Variants in SLCO5A1 observed in about 807,000 individuals in gnomAD.
SLCO5A1 encodes the protein organic anion transporter polypeptide-related protein 4.
SLCO5A1 carries 39 observed loss-of-function variants against 65.1 expected under a neutral mutation model. The observed-to-expected ratio is 0.60, with a 90% CI of 0.46 to 0.78. The LOEUF (loss-of-function observed/expected upper bound fraction) is 0.78, where lower values mean the gene tolerates loss of function less well. SLCO5A1 is among the 30% of genes least tolerant of loss of function. The pLI, the probability that SLCO5A1 is intolerant of heterozygous loss-of-function variation, is 0.00. For synonymous variants in SLCO5A1, 438 were observed against 415.7 expected (o/e 1.05, Z -0.65); for missense variants, 1,029 against 1,069.4 (o/e 0.96, Z 0.53).
At chr8:69,697,013 C>T (rs538580960) in intron 6 of SLCO5A1, among the ~76,000 whole-genome samples, 7 of 152,186 alleles carry the variant, frequency 4.6e-5, no homozygotes, top group African/African-American at 1.7e-4. Context: ...GCAACCAGTC[C>T]ATACGTTCCA....
chr8:69,791,809 C>G lies in SLCO5A1; in HGVS notation c.908-29934G>C, dbSNP rs1344391913. ...ATACCCAAGAATTTAAAGACCTTCT[C>G]TAATAAGTGAATTACAGAAGGCTTG... On this transcript the variant is annotated intron_variant, in intron 2 of 9. Coordinates refer to ENST00000260126, the MANE Select transcript of SLCO5A1 (RefSeq NM_030958.3). 2.0e-5 allele frequency among the ~76,000 whole-genome samples: 3 copies of G among 152,302 alleles called. No individual in the cohort carries two copies. In the South Asian group the frequency reaches 6.2e-4, roughly 32 times the overall value.
chr8:69,822,264 A>C (rs1820676791), intron 2 of SLCO5A1, among the ~76,000 whole-genome samples: 1 of 152,238 alleles, frequency 6.6e-6, no homozygotes, highest in African/African-American at 2.4e-5. Context: ...ACAGTGGTGA[A>C]ATGGCACACC....
At chr8:69,749,683 C>T (rs183035132) in intron 4 of SLCO5A1, among the ~76,000 whole-genome samples, 24 of 149,470 alleles carry the variant, frequency 1.6e-4, no homozygotes, top group Non-Finnish European at 2.7e-4. Flanking sequence ...ATTCATTCAT[C>T]AAATATTTAC....
chr8:69,673,968 T>C (rs373765506), intron 9 of SLCO5A1, among the ~76,000 whole-genome samples: 7 of 152,320 alleles, frequency 4.6e-5, no homozygotes, highest in African/African-American at 1.7e-4. Context: ...AGTAGCTTCG[T>C]TGTCTGGGCT....
At chr8:69,706,792 TTA>T (rs1158631685) in intron 5 of SLCO5A1, among the ~76,000 whole-genome samples, 2 of 152,214 alleles carry the variant, frequency 1.3e-5, no homozygotes, top group East Asian at 3.8e-4. Flanking sequence ...AGTGTTAACT[TTA>T]TAATTATCTT....
At chr8:69,727,606 T>G (rs1816142015) in intron 5 of SLCO5A1, among the ~76,000 whole-genome samples, 1 of 152,226 alleles carries the variant, frequency 6.6e-6, no homozygotes, top group Admixed American at 6.5e-5. Flanking sequence ...GGAAGGCACC[T>G]CGCTAATGCC....
intron 6 of SLCO5A1, among the ~76,000 whole-genome samples, chr8:69,682,983 C>T (rs1481006129): frequency 1.3e-5 from 2 of 152,156 alleles, no homozygotes; most frequent in African/African-American, 4.8e-5. Context: ...CTCAGGATTG[C>T]CCCGGTGTGG....
intron 4 of SLCO5A1, among the ~76,000 whole-genome samples, chr8:69,754,471 T>C (rs985695358): frequency 1.3e-5 from 2 of 152,160 alleles, no homozygotes; most frequent in African/African-American, 4.8e-5. Context: ...GTGTACACAG[T>C]CAAAACGAGA....
intron 4 of SLCO5A1, among the ~76,000 whole-genome samples, chr8:69,752,170 G>A (rs1217895623): frequency 1.3e-5 from 2 of 152,152 alleles, no homozygotes; most frequent in Non-Finnish European, 2.9e-5. Flanking sequence ...GGTTGAGGCT[G>A]CAGCGAGCCA....
chr8:69,774,807 A>G (rs1818491896), intron 2 of SLCO5A1, among the ~76,000 whole-genome samples: 4 of 152,216 alleles, frequency 2.6e-5, no homozygotes. Context: ...ACAGCACTGC[A>G]GATAACAGAG....
intron 2 of SLCO5A1, among the ~76,000 whole-genome samples, chr8:69,807,341 T>C (rs1053637280): frequency 1.3e-5 from 2 of 152,258 alleles, no homozygotes; most frequent in African/African-American, 4.8e-5. Flanking sequence ...ATATTTATCA[T>C]TTCTTTGTGG....
rs1168472793 is a variant in SLCO5A1, at chr8:69,796,737, T to C, written c.908-34862A>G. On this transcript the variant is annotated intron_variant, in intron 2 of 9. Coordinates refer to ENST00000260126, the MANE Select transcript of SLCO5A1 (RefSeq NM_030958.3). ...AACTTTCAGGTCATTTCTTTGCTCA[T>C]ACATATGAGCATAAAATGTTAGAAG... is the stretch of plus-strand genomic sequence containing the variant. Among the ~76,000 whole-genome samples the C allele has an allele frequency of 2.0e-5, 3 of 152,036 alleles. No homozygotes were observed. The East Asian group carries it at 5.8e-4, about 29-fold the overall frequency.
In SLCO5A1 at chr8:69,668,152, T is replaced by A. The variant is rs116860069; in HGVS notation, c.*4717A>T. 6.6e-6 allele frequency: 1 copy of A among 152,176 alleles called. No individual in the cohort carries two copies. Among genetic ancestry groups the A allele is most frequent in the Admixed American group, 6.5e-5 (1 of 15,278 alleles). The allele number at this position is 152,176 out of a possible 1,614,324, so 9.4% of individuals were successfully genotyped here. On this transcript the variant is annotated 3_prime_UTR_variant, in exon 10 of 10. Transcript: ENST00000260126. ...TTCCTAGAGCTGAGTAAAACTGAAG[T>A]CTTTAAAATAAAACCTCCTCAAACA...
chr8:69,737,239 G>A (rs944563413), intron 5 of SLCO5A1, among the ~76,000 whole-genome samples: 1 of 152,110 alleles, frequency 6.6e-6, no homozygotes, highest in African/African-American at 2.4e-5. Flanking sequence ...TTTGAATGTG[G>A]AATTGGAGAA....
In SLCO5A1 at chr8:69,832,298, C is replaced by A; in HGVS notation, c.376G>T (p.Asp126Tyr). Residue 126 changes from aspartate (D) to tyrosine (Y), a missense_variant, in exon 2 of 10, where the codon GAT becomes TAT. Physicochemically the swap from Asp to Tyr is radical, Grantham distance 160 (BLOSUM62 -3). Coordinates refer to ENST00000260126, the MANE Select transcript of SLCO5A1 (RefSeq NM_030958.3). This position sits in a 1 kb window ranked among gnomAD's most constrained non-coding sequence, Gnocchi z 4.5. Reference sequence around the variant, plus strand: ...ATGCACACCAGGAAGCAACGGGAATCCGTGAGGACCACGTAGAGGCACCTT... The same window carrying A: ...ATGCACACCAGGAAGCAACGGGAATACGTGAGGACCACGTAGAGGCACCTT... ...ERRCLYVVLT[D>Y]SRCFLVCMCF... 4 of 1,614,208 alleles carry A rather than the reference C, an allele frequency of 2.5e-6. No individual in the cohort carries two copies. The highest frequency in any genetic ancestry group is 3.4e-6 in the Non-Finnish European group (4 of 1,180,042).
chr8:69,765,739 G>C (rs1586774623), intron 2 of SLCO5A1, among the ~76,000 whole-genome samples: 1 of 152,092 alleles, frequency 6.6e-6, no homozygotes, highest in East Asian at 1.9e-4. Context: ...AAGATCTAAA[G>C]CCTGTACTCC....
At chr8:69,834,588 C>CG (rs749461077) in intron 1 of SLCO5A1, among the ~76,000 whole-genome samples, 2 of 152,130 alleles carry the variant, frequency 1.3e-5, no homozygotes, top group African/African-American at 4.8e-5. Flanking sequence ...TCGCCGCTCG[C>CG]GGGGGGCGTC....
At chr8:69,742,660 G>A (rs906497373) in intron 4 of SLCO5A1, among the ~76,000 whole-genome samples, 7 of 152,062 alleles carry the variant, frequency 4.6e-5, no homozygotes, top group African/African-American at 9.7e-5. Context: ...CCATCATCAC[G>A]TGCACACGGA....
rs1019009454 is a variant in SLCO5A1 at position 69,755,501 on chromosome 8, A to G, written c.1181T>C (p.Val394Ala). The change falls in exon 4 of 10, where the codon GTT becomes GCT. Residue 394 changes from valine to alanine, a missense_variant. Val to Ala is a moderately conservative substitution (Grantham distance 64). Coordinates refer to ENST00000260126, the MANE Select transcript of SLCO5A1 (RefSeq NM_030958.3). The stretch of plus-strand genomic sequence containing the variant: ...ACTGTTGTTTGATTTCTCCTTCAGA[A>G]CATCGTCATCACTAACAGCATCAAC... ...FSVDAVSDDDVLKEKSNNSEQ... is the reference protein window; with the variant it reads ...FSVDAVSDDDALKEKSNNSEQ... 4 of 1,613,904 alleles carry G rather than the reference A, an allele frequency of 2.5e-6. No homozygotes were observed. The highest frequency in any genetic ancestry group is 3.4e-6 in the Non-Finnish European group (4 of 1,179,976).
Sources: allele counts gnomAD v4.1 joint callset (sites outside exome capture counted in the v4.1 genomes callset), GRCh38; gene constraint gnomAD v4.1.1; non-coding constraint Gnocchi (gnomAD v3.1); transcripts MANE v1.5; gene names NCBI Gene and HGNC (gene_info 2026-07-23, HGNC 2026-07-21).